RNF19A: variants seen among roughly 807,000 people sequenced by gnomAD.
RNF19A encodes ring finger protein 19A, RBR E3 ubiquitin protein ligase, also known as E3 ubiquitin-protein ligase RNF19A.
A neutral mutation model predicts 75.7 loss-of-function variants in RNF19A; 32 were observed. The observed-to-expected ratio is 0.42, with a 90% CI of 0.32 to 0.57. The LOEUF is 0.57. RNF19A is among the 20% of genes least tolerant of loss of function. The pLI, the probability that RNF19A is intolerant of heterozygous loss-of-function variation, is 0.10. For missense variants in RNF19A, 782 were observed against 1,036.3 expected, an observed-to-expected ratio of 0.75 and a Z score of 3.37; for synonymous variants, 335 against 345.2, an observed-to-expected ratio of 0.97 and a Z score of 0.33.
At chr8:100,321,742 A>T (rs1049704559) in intron 1 of RNF19A, among the ~76,000 whole-genome samples, 4 of 152,218 alleles carry the variant, frequency 2.6e-5, no homozygotes, top group Admixed American at 2.6e-4. Flanking sequence ...TCTTTCATCC[A>T]TGGGCTGCAG....
intron 1 of RNF19A, among the ~76,000 whole-genome samples, chr8:100,297,278 G>A (rs1821609755): frequency 6.6e-6 from 1 of 152,126 alleles, no homozygotes; most frequent in South Asian, 2.1e-4. Flanking sequence ...TGTGTCCTTA[G>A]ACGCGTGAGC....
rs1822351817 is a variant in RNF19A at position 100,314,991 on chromosome 8, A to C, written c.-242-1619T>G. The stretch of plus-strand genomic sequence containing the variant: ...CGTCCCTCCCCTTGAGCAGCTTGTA[A>C]ACTTGCCAGGGAAACTGACATCGAG... On this transcript the variant is annotated intron_variant, in intron 1 of 3. Transcript: ENST00000519527. This position sits in a 1 kb window ranked among gnomAD's most constrained non-coding sequence, Gnocchi z 4.1. Among the ~76,000 whole-genome samples the C allele has an allele frequency of 6.6e-6, 1 of 152,170 alleles. No homozygotes were observed. Among genetic ancestry groups the C allele is most frequent in the African/African-American group, 2.4e-5 (1 of 41,430 alleles).
rs572069624 is a variant in RNF19A at position 100,309,884 on chromosome 8, G to A, written c.-111C>T. On this transcript the variant is annotated 5_prime_UTR_variant, in exon 1 of 10. Coordinates refer to ENST00000341084, the MANE Select transcript of RNF19A (RefSeq NM_183419.4). ...GCCCGTACCTTTAACTCCTCAGAGC[G>A]GCGGCAGCGCAGGGTGGCGGGCGAG... 2,384 of 985,724 alleles carry A rather than the reference G, an allele frequency of 2.4e-3. 3 individuals are homozygous for A. Among genetic ancestry groups the A allele is most frequent in the Non-Finnish European group, 2.7e-3 (2,257 of 830,158 alleles). The allele number at this position is 985,724 out of a possible 1,614,324, so 61.1% of individuals were successfully genotyped here. A position where few individuals can be genotyped will look rare whatever the true frequency, so the allele number is the denominator to read the frequency against.
intron 3 of RNF19A, among the ~76,000 whole-genome samples, chr8:100,273,804 A>G (rs1820371253): frequency 6.6e-6 from 1 of 152,096 alleles, no homozygotes; most frequent in Non-Finnish European, 1.5e-5. Context: ...ATTTTTTGAG[A>G]TGGAGTCTCA....
chr8:100,310,395 C>T, upstream of RNF19A: 1 of 283,178 alleles, frequency 3.5e-6, no homozygotes, highest in Non-Finnish European at 5.3e-6. Flanking sequence ...GTCTCCCTGG[C>T]CGGTTCTCCG....
At chr8:100,309,507 G>A in intron 1 of RNF19A, 1 of 985,514 alleles carries the variant, frequency 1.0e-6, no homozygotes, top group Non-Finnish European at 1.2e-6. Flanking sequence ...CTCGAGGGGA[G>A]CGCCGCCTCG....
At chr8:100,319,528 C>CTTTTTT (rs774604135) in intron 1 of RNF19A, among the ~76,000 whole-genome samples, 2 of 121,990 alleles carry the variant, frequency 1.6e-5, no homozygotes, top group Non-Finnish European at 3.4e-5. Flanking sequence ...ATCTGGTTCA[C>CTTTTTT]TTTTTTTTTT....
Position 100,263,967 on chromosome 8 carries a change from ATC to A in RNF19A, c.1468+65_1468+66del, listed in dbSNP as rs2132502072. ...CAATGGAAATTCTGAGTTGCATGTTATCTCTGGCCTCCCCACTACTTACACTG... is the reference window on the plus strand; with the variant it reads ...CAATGGAAATTCTGAGTTGCATGTTATCTGGCCTCCCCACTACTTACACTG... On this transcript the variant is annotated intron_variant, in intron 7 of 9. Coordinates refer to ENST00000341084, the MANE Select transcript of RNF19A (RefSeq NM_183419.4). The A allele has an allele frequency of 3.0e-6, 4 of 1,342,138 alleles. No individual in the cohort carries two copies. In the East Asian group the frequency reaches 9.2e-5, roughly 31 times the overall value. The allele number at this position is 1,342,138 out of a possible 1,614,324, so 83.1% of individuals were successfully genotyped here. A position where few individuals can be genotyped will look rare whatever the true frequency, so the allele number is the denominator to read the frequency against.
rs1457584407 is a variant in RNF19A, at chr8:100,260,660, A to G, written c.1683-663T>C. On this transcript the variant is annotated intron_variant, in intron 8 of 9. Coordinates refer to ENST00000341084, the MANE Select transcript of RNF19A (RefSeq NM_183419.4). This position sits in a 1 kb window ranked among gnomAD's most constrained non-coding sequence, Gnocchi z 4.1. ...CAAACTACCTAAAAATAAGATGTCT[A>G]ATTTATCTTTTAATTCATGTATTCT... Among the ~76,000 whole-genome samples the G allele has an allele frequency of 6.6e-6, 1 of 152,196 alleles. No individual in the cohort carries two copies.
At chr8:100,302,562 G>C (rs760152291) in intron 1 of RNF19A, among the ~76,000 whole-genome samples, 2 of 152,194 alleles carry the variant, frequency 1.3e-5, no homozygotes, top group African/African-American at 2.4e-5. Flanking sequence ...AAAAAGTAAA[G>C]CCTAGAGATG....
At chr8:100,326,094 A>G (rs1670848690) in intron 1 of RNF19A, among the ~76,000 whole-genome samples, 2 of 152,008 alleles carry the variant, frequency 1.3e-5, no homozygotes, top group Non-Finnish European at 2.9e-5. Context: ...TTGTCAGTCT[A>G]TTGCCGTTTT....
chr8:100,312,893 G>A (rs1480145436), upstream of RNF19A, among the ~76,000 whole-genome samples: 1 of 152,240 alleles, frequency 6.6e-6, no homozygotes, highest in African/African-American at 2.4e-5. Context: ...CTGCACTCCA[G>A]CCTGGGCAAT....
intron 2 of RNF19A, among the ~76,000 whole-genome samples, chr8:100,277,271 CAG>C (rs896750758): frequency 3.3e-5 from 5 of 152,116 alleles, no homozygotes; most frequent in Non-Finnish European, 7.4e-5. Flanking sequence ...TTTTAAGAGT[CAG>C]GGAGTTCCCT....
chr8:100,268,778 AT>A lies in RNF19A; in HGVS notation c.1191+6del. On this transcript the variant is annotated splice_donor_region_variant and intron_variant, in intron 5 of 9. Transcript: ENST00000341084. ...GATAATGGACTAACAAGAAGTATGCATTTTACCTTGCGGCCCACATACACAG... is the reference window on the plus strand; with the variant it reads ...GATAATGGACTAACAAGAAGTATGCATTTACCTTGCGGCCCACATACACAG... 6.5e-7 allele frequency: 1 copy of A among 1,543,010 alleles called. No individual in the cohort carries two copies. The highest frequency in any genetic ancestry group is 8.8e-7 in the Non-Finnish European group (1 of 1,138,358).
In RNF19A at chr8:100,320,802, C is replaced by T. The variant is rs534288346; in HGVS notation, c.-242-7430G>A. ...CCTTGAAGATATTGTGGGTTCAGTT[C>T]CAGACCACCAAAATAAAATAAATAT... is the stretch of plus-strand genomic sequence containing the variant. On this transcript the variant is annotated intron_variant, in intron 1 of 3. Transcript: ENST00000519527. Among the ~76,000 whole-genome samples the T allele has an allele frequency of 1.1e-4, 17 of 152,174 alleles. No homozygotes were observed. The South Asian group carries it at 3.5e-3, about 32-fold the overall frequency.
chr8:100,275,272 T>G lies in RNF19A; in HGVS notation c.675-111A>C. 1.2e-6 allele frequency: 1 copy of G among 837,530 alleles called. No individual in the cohort carries two copies. Among genetic ancestry groups the G allele is most frequent in the Non-Finnish European group, 1.9e-6 (1 of 533,618 alleles). 51.9% of individuals were successfully genotyped at this position (837,530 alleles called of 1,614,324 possible). The stretch of plus-strand genomic sequence containing the variant: ...TGAAAAACATTTTCTATTTATACAT[T>G]AGCAAACAGTCATAAGCACAATCTC... On this transcript the variant is annotated intron_variant, in intron 2 of 9. Transcript: ENST00000341084. The surrounding 1 kb of genome is among the most constrained non-coding windows in gnomAD (Gnocchi z 4.3).
At chr8:100,266,710 A>C (rs1001571216) in intron 5 of RNF19A, among the ~76,000 whole-genome samples, 13 of 152,074 alleles carry the variant, frequency 8.5e-5, no homozygotes, top group Admixed American at 5.2e-4. Flanking sequence ...AAGGTGTCAC[A>C]CTGTGTTGCC....
Position 100,288,332 on chromosome 8 carries a change from A to G in RNF19A, c.-93-65T>C, listed in dbSNP as rs1821129844. 20 of 1,085,484 alleles carry G rather than the reference A, an allele frequency of 1.8e-5. 1 individual carries two copies. The highest frequency in any genetic ancestry group is 2.4e-5 in the Non-Finnish European group (20 of 827,622). The allele number at this position is 1,085,484 out of a possible 1,614,324, so 67.2% of individuals were successfully genotyped here. A position where few individuals can be genotyped will look rare whatever the true frequency, so the allele number is the denominator to read the frequency against. On this transcript the variant is annotated intron_variant, in intron 1 of 9. Coordinates refer to ENST00000341084, the MANE Select transcript of RNF19A (RefSeq NM_183419.4). ...GTATTCTTAGTTTGTATATTTTTAT[A>G]AATATGAAATTTCAAACAAGTATGT... is the stretch of plus-strand genomic sequence containing the variant.
At chr8:100,266,991 A>C (rs1370833086) in intron 5 of RNF19A, among the ~76,000 whole-genome samples, 1 of 152,214 alleles carries the variant, frequency 6.6e-6, no homozygotes, top group Non-Finnish European at 1.5e-5. Flanking sequence ...AAGAAGATCA[A>C]CCTTATTCCC....
Sources: allele counts gnomAD v4.1 joint callset (sites outside exome capture counted in the v4.1 genomes callset), GRCh38; gene constraint gnomAD v4.1.1; non-coding constraint Gnocchi (gnomAD v3.1); transcripts MANE v1.5; gene names NCBI Gene and HGNC (gene_info 2026-07-23, HGNC 2026-07-21).